The following CHST3 variants were observed in gnomAD, a reference collection of about 807,000 sequenced individuals.
CHST3 encodes C6ST-1.
CHST3 carries 20 observed loss-of-function variants against 35.4 expected under a neutral mutation model. The ratio of observed to expected loss-of-function variants is 0.57; its 90% CI spans 0.40 to 0.82. The LOEUF (loss-of-function observed/expected upper bound fraction) is 0.82. Among genes scored for constraint, CHST3 ranks in the 40% least tolerant of loss-of-function variants. The probability of loss-of-function intolerance (pLI) is 0.00; values close to 1 mark genes in which losing one functional copy is unlikely to be tolerated. For missense variants in CHST3, 693 were observed against 670.1 expected (o/e 1.03, Z -0.38); for synonymous variants, 334 against 295.9 (o/e 1.13, Z -1.32).
At chr10:72,001,176 G>A (rs551683666) in intron 1 of CHST3, among the ~76,000 whole-genome samples, 35 of 152,328 alleles carry the variant, frequency 2.3e-4, no homozygotes, top group Admixed American at 9.8e-4. Flanking sequence ...CTGGCACGTG[G>A]TGTGCACTCA....
chr10:71,983,941 A>G (rs1839823355), intron 1 of CHST3, among the ~76,000 whole-genome samples: 1 of 152,164 alleles, frequency 6.6e-6, no homozygotes, highest in African/African-American at 2.4e-5. Context: ...CATCCTCTCC[A>G]TTTACATAGG....
Position 72,008,525 on chromosome 10 carries a change from G to A in CHST3, c.*54G>A, listed in dbSNP as rs868777370. ...CGTGAAAGGCCTGCCCCGTCTTTCTGCCGCAGCCCTCGCAGAGGGCGGGTG... is the reference window on the plus strand; with the variant it reads ...CGTGAAAGGCCTGCCCCGTCTTTCTACCGCAGCCCTCGCAGAGGGCGGGTG... On this transcript the variant is annotated 3_prime_UTR_variant, in exon 3 of 3. Coordinates refer to ENST00000373115, the MANE Select transcript of CHST3 (RefSeq NM_004273.5). The A allele has an allele frequency of 1.4e-6, 2 of 1,457,768 alleles. No homozygotes were observed. Among genetic ancestry groups the A allele is most frequent in the Non-Finnish European group, 9.1e-7 (1 of 1,104,956 alleles). The allele number at this position is 1,457,768 out of a possible 1,614,324, so 90.3% of individuals were successfully genotyped here. A position where few individuals can be genotyped will look rare whatever the true frequency, so the allele number is the denominator to read the frequency against.
At chr10:72,001,383 C>G (rs1839991506) in intron 1 of CHST3, among the ~76,000 whole-genome samples, 2 of 152,324 alleles carry the variant, frequency 1.3e-5, no homozygotes, top group East Asian at 3.9e-4. Flanking sequence ...AAAGAGGCCC[C>G]CAGTGGGCCC....
At chr10:71,998,647 G>A (rs1412744686) in intron 1 of CHST3, among the ~76,000 whole-genome samples, 2 of 152,198 alleles carry the variant, frequency 1.3e-5, no homozygotes, top group African/African-American at 4.8e-5. Context: ...CAGAGTCTGT[G>A]GCAGCCCCAC....
At chr10:71,993,257 T>C (rs1839913977) in intron 1 of CHST3, among the ~76,000 whole-genome samples, 1 of 152,188 alleles carries the variant, frequency 6.6e-6, no homozygotes, top group Non-Finnish European at 1.5e-5. Flanking sequence ...AGCTTCCATC[T>C]CAAAAACCAC....
In CHST3 at chr10:72,013,050, T is replaced by G. The variant is rs935143785; in HGVS notation, c.*4579T>G. ...TCATGTCATGGATCAGGTGCTTTGCTGGGGGGATACAATGACCCATGTGGT... is the reference window on the plus strand; with the variant it reads ...TCATGTCATGGATCAGGTGCTTTGCGGGGGGGATACAATGACCCATGTGGT... On this transcript the variant is annotated 3_prime_UTR_variant, in exon 3 of 3. Coordinates refer to ENST00000373115, the MANE Select transcript of CHST3 (RefSeq NM_004273.5). 2 of 152,208 alleles carry G rather than the reference T, an allele frequency of 1.3e-5. No homozygotes were observed. Among genetic ancestry groups the G allele is most frequent in the Non-Finnish European group, 2.9e-5 (2 of 68,072 alleles). 9.4% of individuals were successfully genotyped at this position (152,208 alleles called of 1,614,324 possible).
intron 1 of CHST3, among the ~76,000 whole-genome samples, chr10:72,001,576 C>A (rs1839994006): frequency 6.6e-6 from 1 of 152,056 alleles, no homozygotes; most frequent in Non-Finnish European, 1.5e-5. Flanking sequence ...CAGGTTCAAG[C>A]AATTCTCCTG....
At chr10:72,005,700 C>A in intron 1 of CHST3, 36 bp from the exon 2 acceptor site, 1 of 987,364 alleles carries the variant, frequency 1.0e-6, no homozygotes, top group Non-Finnish European at 1.6e-6. Context: ...TCCTCGTGTA[C>A]AGACAAGGGT....
intron 1 of CHST3, among the ~76,000 whole-genome samples, chr10:71,996,403 C>T (rs74145509): frequency 1.1e-5 from 1 of 92,100 alleles, no homozygotes. Flanking sequence ...CTCTTTCTCT[C>T]CCTCTCTCTG....
intron 1 of CHST3, among the ~76,000 whole-genome samples, chr10:72,004,775 C>T (rs570520820): frequency 6.6e-6 from 1 of 152,100 alleles, no homozygotes; most frequent in African/African-American, 2.4e-5. Context: ...TGATTTGTCA[C>T]CCCCCACCTT....
chr10:72,005,092 T>A (rs1194268027), intron 1 of CHST3, among the ~76,000 whole-genome samples: 1 of 152,180 alleles, frequency 6.6e-6, no homozygotes, highest in African/African-American at 2.4e-5. Context: ...GCCACTGCAC[T>A]CCAGCCTGGG....
Position 72,007,304 on chromosome 10 carries a change from G to C in CHST3, c.273G>C (p.Gln91His). The C allele has an allele frequency of 1.2e-6, 2 of 1,613,482 alleles. No individual in the cohort carries two copies. Among genetic ancestry groups the C allele is most frequent in the Non-Finnish European group, 1.7e-6 (2 of 1,179,722 alleles). ...SELDSAFSQL[Q>H]SRLRNLSLQL... ...TCGATTCAGCCTTCTCCCAGCTTCAGAGCCGTCTCCGCAACCTCAGCTTGC... is the reference window on the plus strand; with the variant it reads ...TCGATTCAGCCTTCTCCCAGCTTCACAGCCGTCTCCGCAACCTCAGCTTGC... Residue 91 changes from glutamine (Q) to histidine (H), a missense_variant, in exon 3 of 3, where the codon CAG becomes CAC. Gln to His is a conservative substitution (Grantham distance 24). Coordinates refer to ENST00000373115, the MANE Select transcript of CHST3 (RefSeq NM_004273.5).
At chr10:71,990,894 G>A (rs574890534) in intron 1 of CHST3, among the ~76,000 whole-genome samples, 7 of 152,350 alleles carry the variant, frequency 4.6e-5, no homozygotes, top group East Asian at 3.9e-4. Context: ...GTATTAGGAC[G>A]GGACGGGCTA....
intron 2 of CHST3, 61 bp from the exon 3 acceptor site, chr10:72,007,111 G>A: frequency 6.3e-7 from 1 of 1,581,936 alleles, no homozygotes; most frequent in South Asian, 1.1e-5. Context: ...GACTGCTTAG[G>A]GTTGCCCAGG....
intron 1 of CHST3, among the ~76,000 whole-genome samples, chr10:71,978,501 CT>C (rs1232998528): frequency 1.3e-5 from 2 of 152,250 alleles, no homozygotes; most frequent in Admixed American, 6.5e-5. Context: ...CTCCCTTCCT[CT>C]GCAGGGCAAC....
intron 1 of CHST3, among the ~76,000 whole-genome samples, chr10:71,969,035 A>G (rs1323333719): frequency 6.6e-6 from 1 of 151,936 alleles, no homozygotes; most frequent in East Asian, 1.9e-4. Context: ...GACACCTCCT[A>G]TTGTCATTTA....
At chr10:71,981,197 A>G (rs1169180521) in intron 1 of CHST3, among the ~76,000 whole-genome samples, 1 of 152,158 alleles carries the variant, frequency 6.6e-6, no homozygotes. Flanking sequence ...CCAGTTTCCC[A>G]GCTTTAACCG....
At chr10:71,984,686 C>T (rs1048253393) in intron 1 of CHST3, among the ~76,000 whole-genome samples, 4 of 152,208 alleles carry the variant, frequency 2.6e-5, no homozygotes, top group African/African-American at 7.2e-5. Context: ...ATCCCCTTGC[C>T]TTTGATGGGG....
chr10:71,966,850 G>A (rs1839636514), intron 1 of CHST3, among the ~76,000 whole-genome samples: 1 of 152,230 alleles, frequency 6.6e-6, no homozygotes, highest in Middle Eastern at 3.2e-3. Context: ...GGTAGTGAGA[G>A]ACAAAGCCAG....
Sources: gnomAD v4.1 joint callset for allele counts (sites outside exome capture counted in the v4.1 genomes callset) on GRCh38, gnomAD v4.1.1 for gene constraint, MANE v1.5 for transcripts, NCBI Gene and HGNC (gene_info 2026-07-23, HGNC 2026-07-21) for gene names.